AATK: variants seen among roughly 807,000 people sequenced by gnomAD.
The protein encoded by AATK is serine/threonine-protein kinase LMTK1.
AATK carries 91 observed loss-of-function variants against 114.3 expected under a neutral mutation model. The observed-to-expected ratio is 0.80, with a 90% CI of 0.67 to 0.95. AATK has a LOEUF of 0.95. Ranked by LOEUF, AATK falls within the 40% of genes least tolerant of loss-of-function variation. The pLI is 0.00. For synonymous variants in AATK, 1,075 were observed against 916.5 expected (o/e 1.17, Z -3.12); for missense variants, 2,176 against 1,965.2 (o/e 1.11, Z -2.03).
chr17:81,135,593 G>A (rs910508974), intron 1 of AATK, among the ~76,000 whole-genome samples: 1 of 152,190 alleles, frequency 6.6e-6, no homozygotes, highest in African/African-American at 2.4e-5. Context: ...CCCACTGGAC[G>A]AGCCAAGAAA....
At chr17:81,159,381 G>A (rs1039403467) in intron 1 of AATK, among the ~76,000 whole-genome samples, 9 of 152,174 alleles carry the variant, frequency 5.9e-5, no homozygotes, top group African/African-American at 1.2e-4. Context: ...GGGCAGTGGC[G>A]GGGACTCTCG....
Position 81,126,899 on chromosome 17 carries a change from C to T in AATK, c.622-339G>A, listed in dbSNP as rs2060838296. ...CTGGTGGTCGAGGGTTGGCCGGCAG[C>T]CCCTGACCTGCCGAAAGCCCAGCCC... is the stretch of plus-strand genomic sequence containing the variant. On this transcript the variant is annotated intron_variant, in intron 6 of 13. Transcript: ENST00000326724. This position sits in a 1 kb window ranked among gnomAD's most constrained non-coding sequence, Gnocchi z 5.1. 1.8e-6 allele frequency: 2 copies of T among 1,118,724 alleles called. No homozygotes were observed. The highest frequency in any genetic ancestry group is 2.2e-6 in the Non-Finnish European group (2 of 903,532). 69.3% of individuals were successfully genotyped at this position (1,118,724 alleles called of 1,614,324 possible).
At chr17:81,128,447 T>C in intron 4 of AATK, 23 bp downstream of exon 4, 1 of 1,548,174 alleles carries the variant, frequency 6.5e-7, no homozygotes, top group South Asian at 1.2e-5. Flanking sequence ...GCGGGAGTCC[T>C]CCCTCCCAGG....
chr17:81,150,754 C>T (rs144756373), intron 1 of AATK, among the ~76,000 whole-genome samples: 3 of 152,306 alleles, frequency 2.0e-5, no homozygotes, highest in African/African-American at 7.2e-5. Flanking sequence ...AGACAGGGGC[C>T]TCTCTGCCTG....
chr17:81,140,928 T>TGAGCCGTGGGGCCGTG, intron 1 of AATK, among the ~76,000 whole-genome samples: 1 of 69,340 alleles, frequency 1.4e-5, no homozygotes, highest in Admixed American at 1.4e-4. Context: ...CGTGGGACCG[T>TGAGCCGTGGGGCCGTG]GGGACCATGG....
intron 1 of AATK, among the ~76,000 whole-genome samples, chr17:81,151,415 G>A (rs1377080523): frequency 3.3e-5 from 2 of 60,318 alleles, no homozygotes; most frequent in African/African-American, 8.2e-5. Context: ...CCTGGGGCTG[G>A]GGGGACCGTG....
At position 81,118,094 on chromosome 17, in the gene AATK, G is replaced by A. The variant is rs1404693263; in HGVS notation, c.*308C>T. 3 of 336,650 alleles carry A rather than the reference G, an allele frequency of 8.9e-6. No homozygotes were observed. The highest frequency in any genetic ancestry group is 4.6e-5 in the Admixed American group (1 of 21,832). 20.9% of individuals were successfully genotyped at this position (336,650 alleles called of 1,614,324 possible). ...CAGAGGGTGGGGGCCGCCGTGCCCA[G>A]GGGCACTGGCCCCTTTTGAGTGTGT... On this transcript the variant is annotated 3_prime_UTR_variant, in exon 14 of 14. Coordinates refer to ENST00000326724, the MANE Select transcript of AATK (RefSeq NM_001080395.3).
chr17:81,126,733 G>A lies in AATK; in HGVS notation c.622-173C>T. 7.1e-7 allele frequency: 1 copy of A among 1,416,666 alleles called. No individual in the cohort carries two copies. Among genetic ancestry groups the A allele is most frequent in the South Asian group, 1.6e-5 (1 of 63,970 alleles). 87.8% of individuals were successfully genotyped at this position (1,416,666 alleles called of 1,614,324 possible). ...CAGCACCCAGCAGTTCCTGGAGGGGGGCCGTGTCCCCCAGGGCTGGGCTGG... is the reference window on the plus strand; with the variant it reads ...CAGCACCCAGCAGTTCCTGGAGGGGAGCCGTGTCCCCCAGGGCTGGGCTGG... On this transcript the variant is annotated intron_variant, in intron 6 of 13. Coordinates refer to ENST00000326724, the MANE Select transcript of AATK (RefSeq NM_001080395.3). The surrounding 1 kb of genome is among the most constrained non-coding windows in gnomAD (Gnocchi z 5.1).
intron 1 of AATK, among the ~76,000 whole-genome samples, chr17:81,154,181 C>T (rs1176263104): frequency 6.6e-6 from 1 of 152,108 alleles, no homozygotes; most frequent in East Asian, 1.9e-4. Flanking sequence ...AGCTACTCGT[C>T]GAAACGCACA....
At chr17:81,129,212 C>T (rs1462186681) in intron 3 of AATK, among the ~76,000 whole-genome samples, 3 of 152,242 alleles carry the variant, frequency 2.0e-5, no homozygotes, top group Non-Finnish European at 4.4e-5. Flanking sequence ...CTGAGCCTGG[C>T]TGCCAGGAGA....
chr17:81,129,887 C>T (rs1269786880), intron 3 of AATK, among the ~76,000 whole-genome samples: 1 of 152,252 alleles, frequency 6.6e-6, no homozygotes. Flanking sequence ...TGTACTCGAG[C>T]TCAAGTGCCA....
intron 1 of AATK, among the ~76,000 whole-genome samples, chr17:81,136,763 G>A (rs902328407): frequency 6.6e-6 from 1 of 152,214 alleles, no homozygotes; most frequent in Non-Finnish European, 1.5e-5. Context: ...AGGTGGATGT[G>A]TAGGGGTGGG....
chr17:81,128,542 G>A lies in AATK; in HGVS notation c.342C>T (p.Leu114=), dbSNP rs1280510502. The part of the protein sequence containing the change: ...MAKQPGRSVQ[L]LKSTDVGRHS... Reference sequence around the variant, plus strand: ...GCCGGCCCACGTCTGTGGACTTGAGGAGCTGCACTGTAACCAAGCAGGGGG... The same window carrying A: ...GCCGGCCCACGTCTGTGGACTTGAGAAGCTGCACTGTAACCAAGCAGGGGG... Residue 114 remains leucine (L), a synonymous_variant, in exon 4 of 14, where the codon CTC becomes CTT. Coordinates refer to ENST00000326724, the MANE Select transcript of AATK (RefSeq NM_001080395.3). The A allele has an allele frequency of 6.5e-7, 1 of 1,549,114 alleles. No homozygotes were observed.
intron 10 of AATK, 83 bp downstream of exon 10, chr17:81,123,111 G>A (rs1165482331): frequency 4.5e-6 from 6 of 1,346,274 alleles, no homozygotes; most frequent in Non-Finnish European, 5.7e-6. Flanking sequence ...AACGCCAGGG[G>A]GTCAGGGTGA....
At chr17:81,146,433 C>T (rs59695750) in intron 1 of AATK, among the ~76,000 whole-genome samples, 71,936 of 151,288 alleles carry the variant, frequency 0.48, 17,384 homozygotes, top group African/African-American at 0.52. Context: ...TTGCCCAACC[C>T]GGCAGGGCAC....
At chr17:81,163,571 C>T (rs552147289) in intron 1 of AATK, among the ~76,000 whole-genome samples, 18 of 152,360 alleles carry the variant, frequency 1.2e-4, no homozygotes, top group African/African-American at 2.9e-4. Flanking sequence ...CCCCCAGCCA[C>T]GCTCCCGAGT....
rs1405581761 is a variant in AATK, at chr17:81,128,592, C to T, written c.335-43G>A. 2.6e-6 allele frequency: 4 copies of T among 1,547,438 alleles called. 1 individual carries two copies. The highest frequency in any genetic ancestry group is 1.7e-6 in the Non-Finnish European group (2 of 1,146,100). ...GTTCAGGGACCCAGTGTGGCCTCCG[C>T]ACCCCCCAGCTTCCTCACCCGGCCC... On this transcript the variant is annotated intron_variant, in intron 3 of 13. Transcript: ENST00000326724.
chr17:81,147,636 G>A (rs1474526559), intron 1 of AATK, among the ~76,000 whole-genome samples: 1 of 151,990 alleles, frequency 6.6e-6, no homozygotes, highest in Non-Finnish European at 1.5e-5. Context: ...CACACCTGTG[G>A]TCCCAGCTAC....
rs1194754270 is a variant in AATK, at chr17:81,128,552, G to A, written c.335-3C>T. The A allele has an allele frequency of 6.5e-7, 1 of 1,548,984 alleles. No individual in the cohort carries two copies. The highest frequency in any genetic ancestry group is 8.7e-7 in the Non-Finnish European group (1 of 1,146,776). On this transcript the variant is annotated splice_region_variant and splice_polypyrimidine_tract_variant and intron_variant, in intron 3 of 13. Coordinates refer to ENST00000326724, the MANE Select transcript of AATK (RefSeq NM_001080395.3). ...GTCTGTGGACTTGAGGAGCTGCACT[G>A]TAACCAAGCAGGGGGTTCAGGGACC...
Sources: gnomAD v4.1 joint callset for allele counts (sites outside exome capture counted in the v4.1 genomes callset) on GRCh38, gnomAD v4.1.1 for gene constraint, Gnocchi (gnomAD v3.1) non-coding constraint, MANE v1.5 for transcripts, NCBI Gene and HGNC (gene_info 2026-07-23, HGNC 2026-07-21) for gene names.